The following PKHD1 variants were observed in gnomAD, a reference collection of about 807,000 sequenced individuals.
The protein encoded by PKHD1 is fibrocystin.
Under a neutral mutation model 412.0 loss-of-function variants are expected in PKHD1, and 291 were observed. The ratio of observed to expected loss-of-function variants is 0.71; its 90% CI spans 0.64 to 0.78. The LOEUF is 0.78. PKHD1 is among the 30% of genes least tolerant of loss of function. PKHD1 has a pLI of 0.00. For synonymous variants in PKHD1, 1,777 were observed against 1,821.5 expected, an observed-to-expected ratio of 0.98 and a Z score of 0.62; for missense variants, 4,825 against 4,950.7, an observed-to-expected ratio of 0.97 and a Z score of 0.76.
intron 35 of PKHD1, among the ~76,000 whole-genome samples, chr6:52,004,941 G>A (rs891845066): frequency 4.6e-5 from 7 of 152,084 alleles, no homozygotes; most frequent in African/African-American, 1.7e-4. Context: ...TAACTATTTG[G>A]CAAAGGACTC....
chr6:51,792,175 T>C (rs1452222084), intron 52 of PKHD1, among the ~76,000 whole-genome samples: 1 of 152,216 alleles, frequency 6.6e-6, no homozygotes, highest in Non-Finnish European at 1.5e-5. Context: ...AGATTTACTA[T>C]AGAGTAATAT....
At position 52,062,740 on chromosome 6, in the gene PKHD1, G is replaced by A. The variant is rs181129327; in HGVS notation, c.977-80C>T. ...GAATTACTTTATTTTAAATTACAAG[G>A]TGAAAGATGACCCAGATGCTACCTG... On this transcript the variant is annotated intron_variant, in intron 13 of 66. Coordinates refer to ENST00000371117, the MANE Select transcript of PKHD1 (RefSeq NM_138694.4). 2.4e-3 allele frequency: 3,747 copies of A among 1,564,200 alleles called. 32 individuals are homozygous for A. The highest frequency in any genetic ancestry group is 0.018 in the South Asian group (1,592 of 90,054).
chr6:51,772,243 T>G (rs1168987458), intron 55 of PKHD1, among the ~76,000 whole-genome samples: 1 of 152,052 alleles, frequency 6.6e-6, no homozygotes. Flanking sequence ...TTTTACCTAT[T>G]CTTTGAGGAA....
At chr6:51,701,307 C>G (rs1779377220) in intron 60 of PKHD1, among the ~76,000 whole-genome samples, 2 of 152,040 alleles carry the variant, frequency 1.3e-5, no homozygotes, top group Non-Finnish European at 1.5e-5. Context: ...GCCTATTTGG[C>G]CTGACATTGA....
intron 52 of PKHD1, among the ~76,000 whole-genome samples, chr6:51,801,564 G>T (rs1938762233): frequency 1.3e-5 from 2 of 151,170 alleles, no homozygotes; most frequent in Admixed American, 6.6e-5. Context: ...CAGTTTCAAA[G>T]TGCCCAGAGG....
chr6:51,797,735 G>A (rs1018223373), intron 52 of PKHD1, among the ~76,000 whole-genome samples: 5 of 152,090 alleles, frequency 3.3e-5, no homozygotes, highest in Admixed American at 3.3e-4. Flanking sequence ...GCACACTGAT[G>A]GGTCTTGGTT....
At chr6:51,831,511 A>ATT (rs1330086345) in intron 51 of PKHD1, among the ~76,000 whole-genome samples, 1 of 152,190 alleles carries the variant, frequency 6.6e-6, no homozygotes, top group African/African-American at 2.4e-5. Context: ...AAAAATCCAT[A>ATT]ATTAATTCCT....
chr6:51,964,440 G>A (rs115325263), intron 35 of PKHD1, among the ~76,000 whole-genome samples: 1,853 of 152,194 alleles, frequency 0.012, 19 homozygotes, highest in Non-Finnish European at 0.02. Context: ...ACAAGTCCCT[G>A]TAACCATTTT....
intron 60 of PKHD1, among the ~76,000 whole-genome samples, chr6:51,737,805 A>C (rs1335783724): frequency 6.6e-6 from 1 of 152,084 alleles, no homozygotes; most frequent in Non-Finnish European, 1.5e-5. Flanking sequence ...ATCTCCCTAC[A>C]TGCCAATGAA....
chr6:51,851,918 G>C (rs1025679317), intron 49 of PKHD1, among the ~76,000 whole-genome samples: 4 of 151,814 alleles, frequency 2.6e-5, no homozygotes, highest in Non-Finnish European at 5.9e-5. Flanking sequence ...ATTCTTCTCC[G>C]ATCTTAGTTA....
intron 35 of PKHD1, among the ~76,000 whole-genome samples, chr6:51,961,658 G>C (rs1792058101): frequency 6.6e-6 from 1 of 152,068 alleles, no homozygotes; most frequent in Admixed American, 6.6e-5. Context: ...ACAGAAAGAG[G>C]AAAGGGAGGC....
Position 52,043,153 on chromosome 6 carries a change from T to C in PKHD1, c.2822-19A>G, listed in dbSNP as rs1214721337. On this transcript the variant is annotated intron_variant, in intron 26 of 66. Coordinates refer to ENST00000371117, the MANE Select transcript of PKHD1 (RefSeq NM_138694.4). ...TCACCATCTTAAAGGAGAAAAGAAA[T>C]TAAAAAACAAATAAAATAATCTCTC... 1 of 1,585,448 alleles carries C rather than the reference T, an allele frequency of 6.3e-7. No individual in the cohort carries two copies. Among genetic ancestry groups the C allele is most frequent in the Non-Finnish European group, 8.6e-7 (1 of 1,156,464 alleles).
intron 55 of PKHD1, 45 bp from the exon 56 acceptor site, chr6:51,754,983 A>G: frequency 6.6e-7 from 1 of 1,506,002 alleles, no homozygotes; most frequent in South Asian, 1.1e-5. Context: ...ACAGTGCAGC[A>G]CAAATCATCT....
In PKHD1 at chr6:51,649,224, A is replaced by G. The variant is rs1470646061; in HGVS notation, c.11175-4T>C. 1.2e-6 allele frequency: 2 copies of G among 1,605,988 alleles called. No homozygotes were observed. The highest frequency in any genetic ancestry group is 1.7e-5 in the Admixed American group (1 of 59,984). On this transcript the variant is annotated splice_region_variant and splice_polypyrimidine_tract_variant and intron_variant, in intron 61 of 66. Transcript: ENST00000371117. ...AGTTTTAAAACTGCTTGTATTTCTGACAGATATAAAAACAAACAAAATACA... is the reference window on the plus strand; with the variant it reads ...AGTTTTAAAACTGCTTGTATTTCTGGCAGATATAAAAACAAACAAAATACA...
intron 66 of PKHD1, among the ~76,000 whole-genome samples, chr6:51,623,467 A>C (rs1406681480): frequency 6.6e-6 from 1 of 152,162 alleles, no homozygotes; most frequent in Non-Finnish European, 1.5e-5. Flanking sequence ...AGTTATTCAA[A>C]ATATTTATAA....
intron 46 of PKHD1, among the ~76,000 whole-genome samples, chr6:51,873,503 T>A (rs1331969703): frequency 6.6e-6 from 1 of 152,220 alleles, no homozygotes; most frequent in African/African-American, 2.4e-5. Context: ...TTGTTCTTAG[T>A]TGTATACATA....
At chr6:51,751,861 T>C (rs1484100997) in intron 57 of PKHD1, among the ~76,000 whole-genome samples, 1 of 152,194 alleles carries the variant, frequency 6.6e-6, no homozygotes, top group African/African-American at 2.4e-5. Context: ...TTAAATAAGA[T>C]AAAATTTTCA....
intron 63 of PKHD1, among the ~76,000 whole-genome samples, chr6:51,643,448 T>C (rs914999372): frequency 1.3e-5 from 2 of 152,086 alleles, no homozygotes; most frequent in Non-Finnish European, 2.9e-5. Flanking sequence ...AGGTGTTACT[T>C]TCAACAAATT....
At chr6:51,834,192 A>T (rs1193864478) in intron 51 of PKHD1, among the ~76,000 whole-genome samples, 1 of 152,172 alleles carries the variant, frequency 6.6e-6, no homozygotes, top group African/African-American at 2.4e-5. Context: ...TGAACAGAAG[A>T]AGCCAGTAAG....
Sources: allele counts gnomAD v4.1 joint callset (sites outside exome capture counted in the v4.1 genomes callset), GRCh38; gene constraint gnomAD v4.1.1; transcripts MANE v1.5; gene names NCBI Gene and HGNC (gene_info 2026-07-23, HGNC 2026-07-21).